IL17RD: variants seen among roughly 807,000 people sequenced by gnomAD.
IL17RD encodes the protein interleukin 17 receptor D.
In IL17RD, 52 loss-of-function variants were observed where a neutral mutation model predicts 80.5. The observed-to-expected ratio is 0.65, with a 90% confidence interval of 0.52 to 0.81. IL17RD has a LOEUF of 0.81. IL17RD is among the 40% of genes least tolerant of loss of function. The probability of loss-of-function intolerance (pLI) is 0.00; values close to 1 mark genes in which losing one functional copy is unlikely to be tolerated. For missense variants in IL17RD, 1,024 were observed against 955.1 expected, an observed-to-expected ratio of 1.07 and a Z score of -0.95; for synonymous variants, 416 against 391.8, an observed-to-expected ratio of 1.06 and a Z score of -0.73.
chr3:57,155,028 G>C (rs17235848), intron 1 of IL17RD, among the ~76,000 whole-genome samples: 3,799 of 152,282 alleles, frequency 0.025, 74 homozygotes, highest in South Asian at 0.044. Context: ...GAAAATCAAA[G>C]CCGGGCAAAA....
chr3:57,164,772 A>C (rs1468592295), intron 1 of IL17RD, among the ~76,000 whole-genome samples: 1 of 152,130 alleles, frequency 6.6e-6, no homozygotes, highest in Non-Finnish European at 1.5e-5. Flanking sequence ...TCCAAAGCGC[A>C]ACCCGGTCCG....
chr3:57,140,039 A>G (rs1047589361), intron 1 of IL17RD, among the ~76,000 whole-genome samples: 1 of 152,136 alleles, frequency 6.6e-6, no homozygotes, highest in African/African-American at 2.4e-5. Flanking sequence ...AAAGTACTGA[A>G]AAGACTGCTA....
intron 12 of IL17RD, among the ~76,000 whole-genome samples, 180 bp from the exon 13 acceptor site, chr3:57,096,685 T>C (rs1054200483): frequency 6.6e-6 from 1 of 152,082 alleles, no homozygotes; most frequent in African/African-American, 2.4e-5. Context: ...CTAGTTCCCT[T>C]AGTTGAGGAA....
intron 1 of IL17RD, among the ~76,000 whole-genome samples, chr3:57,164,270 A>T (rs906195697): frequency 1.4e-4 from 22 of 152,304 alleles, no homozygotes; most frequent in Admixed American, 1.3e-3. Flanking sequence ...CTCGGGGCAG[A>T]CGGACATCAT....
chr3:57,162,111 G>T (rs2060309157), intron 1 of IL17RD, among the ~76,000 whole-genome samples: 1 of 152,262 alleles, frequency 6.6e-6, no homozygotes, highest in South Asian at 2.1e-4. Flanking sequence ...CGAAGGGTCT[G>T]TTAGCAGGGC....
At chr3:57,149,037 C>T (rs1707996485) in intron 1 of IL17RD, among the ~76,000 whole-genome samples, 2 of 152,102 alleles carry the variant, frequency 1.3e-5, no homozygotes, top group Admixed American at 6.5e-5. Context: ...CCTGGCCAGG[C>T]GTGGTGGCTC....
intron 1 of IL17RD, among the ~76,000 whole-genome samples, chr3:57,163,444 C>T (rs1468352744): frequency 6.6e-6 from 1 of 152,070 alleles, no homozygotes. Context: ...ACTACCATAC[C>T]CCACAGCATG....
upstream of IL17RD, among the ~76,000 whole-genome samples, chr3:57,166,792 C>T (rs4283546): frequency 0.023 from 3,435 of 152,228 alleles, 55 homozygotes; most frequent in Admixed American, 0.034. Flanking sequence ...TTGTCACCTC[C>T]GTCCATTCAA....
Position 57,095,517 on chromosome 3 carries a change from G to A in IL17RD, c.*876C>T, listed in dbSNP as rs1481322111. 2 of 152,184 alleles carry A rather than the reference G, an allele frequency of 1.3e-5. No individual in the cohort carries two copies. Among genetic ancestry groups the A allele is most frequent in the Admixed American group, 1.3e-4 (2 of 15,272 alleles). The allele number at this position is 152,184 out of a possible 1,614,324, so 9.4% of individuals were successfully genotyped here. A position where few individuals can be genotyped will look rare whatever the true frequency, so the allele number is the denominator to read the frequency against. Reference sequence around the variant, plus strand: ...TAGACCAGAAGGCCAACCAAAGCACGAACTGCAACTTCCAATAATACAGAC... The same window carrying A: ...TAGACCAGAAGGCCAACCAAAGCACAAACTGCAACTTCCAATAATACAGAC... On this transcript the variant is annotated 3_prime_UTR_variant, in exon 13 of 13. Coordinates refer to ENST00000296318, the MANE Select transcript of IL17RD (RefSeq NM_017563.5).
chr3:57,165,408 G>T, upstream of IL17RD: 1 of 818,164 alleles, frequency 1.2e-6, no homozygotes, highest in Non-Finnish European at 1.6e-6. Flanking sequence ...CTGGGCATGC[G>T]TTGCCAGCCC....
intron 1 of IL17RD, among the ~76,000 whole-genome samples, chr3:57,160,725 C>T (rs1052179047): frequency 1.3e-5 from 2 of 152,230 alleles, no homozygotes; most frequent in Non-Finnish European, 2.9e-5. Flanking sequence ...AATGTGTGTT[C>T]TCCCCTTCTT....
In IL17RD at chr3:57,127,371, T is replaced by TAA. The variant is rs1183141345; in HGVS notation, c.127-7059_127-7058insTT. ...ATAAATATATATAAATATAAATATA[T>TAA]ATATATAAATAAATAAATAAATAAA... is the stretch of plus-strand genomic sequence containing the variant. On this transcript the variant is annotated intron_variant, in intron 1 of 12. Coordinates refer to ENST00000296318, the MANE Select transcript of IL17RD (RefSeq NM_017563.5). 7.0e-4 allele frequency among the ~76,000 whole-genome samples: 64 copies of TAA among 91,688 alleles called. 4 individuals carry two copies. The highest frequency in any genetic ancestry group is 2.6e-3 in the African/African-American group (49 of 18,780). 60.2% of individuals were successfully genotyped at this position (91,688 alleles called of 152,430 possible).
chr3:57,132,375 G>A (rs1707629288), intron 1 of IL17RD, among the ~76,000 whole-genome samples: 1 of 152,062 alleles, frequency 6.6e-6, no homozygotes, highest in African/African-American at 2.4e-5. Context: ...CAGGAGAATC[G>A]CTGGAACCCA....
At chr3:57,128,612 T>C (rs1458322386) in intron 1 of IL17RD, among the ~76,000 whole-genome samples, 2 of 152,004 alleles carry the variant, frequency 1.3e-5, no homozygotes, top group Non-Finnish European at 2.9e-5. Flanking sequence ...GATAAAGATA[T>C]GTTAGGACAT....
chr3:57,109,515 A>G (rs368180442), intron 5 of IL17RD, 22 bp downstream of exon 5: 4 of 1,604,332 alleles, frequency 2.5e-6, no homozygotes, highest in Admixed American at 3.5e-5. Context: ...CATGGGAACC[A>G]GGCAGGAAAG....
At chr3:57,111,321 C>A (rs1400177996) in intron 3 of IL17RD, among the ~76,000 whole-genome samples, 1 of 152,174 alleles carries the variant, frequency 6.6e-6, no homozygotes, top group African/African-American at 2.4e-5. Context: ...ATACATATTT[C>A]TTGGTGAGTA....
rs1706951195 is a variant in IL17RD, at chr3:57,105,882, G to T, written c.722C>A (p.Pro241His). 6.2e-7 allele frequency: 1 copy of T among 1,613,730 alleles called. No individual in the cohort carries two copies. The highest frequency in any genetic ancestry group is 1.1e-5 in the South Asian group (1 of 91,060). Reference sequence around the variant, plus strand: ...CTGCTTACAGGTCTTTCGCTTGAAAGGTCCTTCGTGCTTGAGCTTGTAGTG... The same window carrying T: ...CTGCTTACAGGTCTTTCGCTTGAAATGTCCTTCGTGCTTGAGCTTGTAGTG... Reference protein sequence around the residue: ...YLHYKLKHEGPFKRKTCKQEQ... With the variant: ...YLHYKLKHEGHFKRKTCKQEQ... Residue 241 changes from proline to histidine, a missense_variant, in exon 7 of 13, where the codon CCT becomes CAT. Coordinates refer to ENST00000296318, the MANE Select transcript of IL17RD (RefSeq NM_017563.5).
At chr3:57,145,500 TA>T (rs1278672577) in intron 1 of IL17RD, among the ~76,000 whole-genome samples, 1 of 152,154 alleles carries the variant, frequency 6.6e-6, no homozygotes, top group Non-Finnish European at 1.5e-5. Context: ...TGTCTCAATT[TA>T]AAAAATAAAA....
chr3:57,114,952 C>A, intron 2 of IL17RD, 135 bp from the exon 3 acceptor site: 2 of 612,720 alleles, frequency 3.3e-6, no homozygotes, highest in Non-Finnish European at 5.4e-6. Flanking sequence ...CTCAAAAGCC[C>A]AAAATAAGAC....
Sources: gnomAD v4.1 joint callset for allele counts (sites outside exome capture counted in the v4.1 genomes callset) on GRCh38, gnomAD v4.1.1 for gene constraint, MANE v1.5 for transcripts, NCBI Gene and HGNC (gene_info 2026-07-23, HGNC 2026-07-21) for gene names.